Variants in HERC1 observed in about 807,000 individuals in gnomAD.
HERC1 encodes probable E3 ubiquitin-protein ligase HERC1.
A neutral mutation model predicts 554.3 loss-of-function variants in HERC1; 160 were observed. The observed-to-expected ratio is 0.29, with a 90% CI of 0.25 to 0.33. The LOEUF is 0.33. HERC1 is among the 10% of genes least tolerant of loss of function. HERC1 has a pLI of 1.00. For missense variants in HERC1, 4,919 were observed against 5,918.5 expected (o/e 0.83, Z 5.54); for synonymous variants, 2,175 against 2,131.7 (o/e 1.02, Z -0.56).
intron 68 of HERC1, among the ~76,000 whole-genome samples, chr15:63,631,694 C>T (rs532598268): frequency 1.3e-4 from 20 of 152,336 alleles, no homozygotes; most frequent in Non-Finnish European, 2.2e-4. Context: ...GCGCCTGCCA[C>T]CACGCTCGGC....
At chr15:63,675,903 C>CTTTT (rs201499820) in intron 37 of HERC1, among the ~76,000 whole-genome samples, 6 of 133,308 alleles carry the variant, frequency 4.5e-5, no homozygotes, top group Non-Finnish European at 9.6e-5. Flanking sequence ...CTGTATACAT[C>CTTTT]TTTTTTTTTT....
chr15:63,731,690 A>T (rs1341485197), intron 14 of HERC1, among the ~76,000 whole-genome samples: 1 of 152,332 alleles, frequency 6.6e-6, no homozygotes, highest in East Asian at 1.9e-4. Flanking sequence ...GTATTGGAAG[A>T]AAAAGAGTAC....
intron 1 of HERC1, among the ~76,000 whole-genome samples, chr15:63,833,545 C>G (rs181049979): frequency 1.3e-5 from 2 of 151,958 alleles, no homozygotes; most frequent in African/African-American, 2.4e-5. Context: ...TCGGCCCTCT[C>G]CGCGGGCGCC....
At chr15:63,615,689 ATTT>A in intron 76 of HERC1, 76 bp downstream of exon 76, 1 of 1,129,350 alleles carries the variant, frequency 8.9e-7, no homozygotes, top group Non-Finnish European at 1.2e-6. Flanking sequence ...ATATTAGCAG[ATTT>A]TGGCATACCC....
chr15:63,797,093 A>G (rs1247345650), intron 1 of HERC1, among the ~76,000 whole-genome samples: 1 of 152,170 alleles, frequency 6.6e-6, no homozygotes, highest in East Asian at 1.9e-4. Context: ...TACAAGACCA[A>G]GCTGATTTTC....
rs139741898 is a variant in HERC1 at position 63,615,692 on chromosome 15, T to C, written c.14094+76A>G. The C allele has an allele frequency of 7.7e-6, 9 of 1,166,722 alleles. No individual in the cohort carries two copies. In the East Asian group the frequency reaches 7.7e-5, roughly 10 times the overall value. 72.3% of individuals were successfully genotyped at this position (1,166,722 alleles called of 1,614,324 possible). ...CACAGTAAATACATATTAGCAGATT[T>C]TGGCATACCCAGTCAGCTCTCATTT... is the stretch of plus-strand genomic sequence containing the variant. On this transcript the variant is annotated intron_variant, in intron 76 of 77. Transcript: ENST00000443617.
intron 40 of HERC1, among the ~76,000 whole-genome samples, 198 bp from the exon 41 acceptor site, chr15:63,666,670 G>T (rs1395638656): frequency 1.3e-5 from 2 of 152,114 alleles, no homozygotes; most frequent in African/African-American, 2.4e-5. Flanking sequence ...ACTTTGTAAA[G>T]ATTTGTGTAG....
At chr15:63,646,891 A>G (rs953122055) in intron 55 of HERC1, among the ~76,000 whole-genome samples, 9 of 152,180 alleles carry the variant, frequency 5.9e-5, no homozygotes, top group African/African-American at 1.2e-4. Context: ...TTTTACCAGA[A>G]TATATACAAA....
intron 26 of HERC1, 28 bp from the exon 27 acceptor site, chr15:63,696,367 T>C: frequency 2.6e-6 from 4 of 1,518,212 alleles, no homozygotes; most frequent in Non-Finnish European, 3.6e-6. Context: ...ATTTTAGAGT[T>C]CTTCACTTAA....
At chr15:63,723,897 T>C (rs565963711) in intron 18 of HERC1, among the ~76,000 whole-genome samples, 21 of 152,208 alleles carry the variant, frequency 1.4e-4, no homozygotes, top group Non-Finnish European at 1.8e-4. Context: ...AGTGTGACAT[T>C]TGACATTCAG....
At chr15:63,800,592 T>C (rs1424335435) in intron 1 of HERC1, among the ~76,000 whole-genome samples, 1 of 152,212 alleles carries the variant, frequency 6.6e-6, no homozygotes, top group Non-Finnish European at 1.5e-5. Context: ...TCCCTGACTA[T>C]ACCCATGTGA....
At chr15:63,682,529 G>A (rs1185836934) in intron 34 of HERC1, among the ~76,000 whole-genome samples, 2 of 152,160 alleles carry the variant, frequency 1.3e-5, no homozygotes, top group African/African-American at 4.8e-5. Context: ...TTAGCACTTT[G>A]GGAGGCTAAG....
chr15:63,804,305 G>T (rs1377784926), intron 1 of HERC1, among the ~76,000 whole-genome samples: 1 of 152,200 alleles, frequency 6.6e-6, no homozygotes, highest in Non-Finnish European at 1.5e-5. Flanking sequence ...AGTATTGCTA[G>T]CCGGGCACAG....
chr15:63,699,065 G>A, intron 25 of HERC1, 69 bp from the exon 26 acceptor site: 1 of 1,369,258 alleles, frequency 7.3e-7, no homozygotes, highest in Non-Finnish European at 1.0e-6. Context: ...AACTAGATAA[G>A]GCTGAGTGCT....
chr15:63,653,286 C>CA (rs1450345930), intron 51 of HERC1, among the ~76,000 whole-genome samples: 14 of 152,006 alleles, frequency 9.2e-5, no homozygotes, highest in Middle Eastern at 3.4e-3. Flanking sequence ...ACTAAAAATA[C>CA]AAAAAAATTA....
rs371321874 is a variant in HERC1 at position 63,786,516 on chromosome 15, T to C, written c.-26-10867A>G. 5.3e-5 allele frequency among the ~76,000 whole-genome samples: 8 copies of C among 152,240 alleles called. No homozygotes were observed. In the South Asian group the frequency reaches 8.3e-4, roughly 16 times the overall value. On this transcript the variant is annotated intron_variant, in intron 1 of 77. Transcript: ENST00000443617. ...GAAACAACACAAATGACCATCAAGA[T>C]ATGAATGAATAAACAAAATGTCATA... is the stretch of plus-strand genomic sequence containing the variant.
chr15:63,741,773 T>C lies in HERC1; in HGVS notation c.2520+5145A>G, dbSNP rs189455104. On this transcript the variant is annotated intron_variant, in intron 12 of 77. Transcript: ENST00000443617. ...TCATGAAATAGTTTTGGCACTCTTGTAGAAAATCAGTAAGCCACAGATGTA... is the reference window on the plus strand; with the variant it reads ...TCATGAAATAGTTTTGGCACTCTTGCAGAAAATCAGTAAGCCACAGATGTA... Among the ~76,000 whole-genome samples, 14 of 152,346 alleles carry C rather than the reference T, an allele frequency of 9.2e-5. No homozygotes were observed. The East Asian group carries it at 1.3e-3, about 15-fold the overall frequency.
chr15:63,799,380 G>T (rs2076908436), intron 1 of HERC1, among the ~76,000 whole-genome samples: 1 of 151,864 alleles, frequency 6.6e-6, no homozygotes, highest in Non-Finnish European at 1.5e-5. Context: ...TGCACTTGTA[G>T]TCCCAGCTAC....
At position 63,746,938 on chromosome 15, in the gene HERC1, C is replaced by T; in HGVS notation, c.2500G>A (p.Val834Ile). 1 of 1,552,408 alleles carries T rather than the reference C, an allele frequency of 6.4e-7. No individual in the cohort carries two copies. Among genetic ancestry groups the T allele is most frequent in the Non-Finnish European group, 8.7e-7 (1 of 1,147,340 alleles). Residue 834 changes from valine (V) to isoleucine (I), a missense_variant, in exon 12 of 78, where the codon GTC (valine) becomes ATC (isoleucine). By Grantham distance (29) the Val-to-Ile change is conservative. Around this residue, in one of 11 missense-constraint regions of HERC1, gnomAD observed 744 missense variants for 1,090.0 expected, o/e 0.68. Transcript: ENST00000443617. ...NLLFRLMDSTVPDEIQEVVIE... is the reference protein window; with the variant it reads ...NLLFRLMDSTIPDEIQEVVIE... ...CTTACCTCTTGGATTTCATCTGGGA[C>T]AGTTGAGTCCATCAGTCTGAAGAGC...
Sources: gnomAD v4.1 joint callset for allele counts (sites outside exome capture counted in the v4.1 genomes callset) on GRCh38, gnomAD v4.1.1 for gene constraint, gnomAD v4.1.1 regional missense constraint, MANE v1.5 for transcripts, NCBI Gene and HGNC (gene_info 2026-07-23, HGNC 2026-07-21) for gene names.